The following CCDC175 variants were observed in gnomAD, a reference collection of about 807,000 sequenced individuals.
CCDC175 encodes coiled-coil domain-containing protein 175.
In CCDC175, 100 loss-of-function variants were observed where a neutral mutation model predicts 114.6. The observed-to-expected ratio is 0.87, with a 90% CI of 0.74 to 1.03. The LOEUF (loss-of-function observed/expected upper bound fraction) is 1.03, where lower values mean the gene tolerates loss of function less well. Ranked by LOEUF, CCDC175 falls within the 50% of genes least tolerant of loss-of-function variation. CCDC175 has a pLI of 0.00. For synonymous variants in CCDC175, 306 were observed against 308.7 expected (o/e 0.99, Z 0.09); for missense variants, 880 against 917.8 (o/e 0.96, Z 0.53).
chr14:59,539,721 G>A (rs965792339), intron 11 of CCDC175, among the ~76,000 whole-genome samples: 3 of 152,014 alleles, frequency 2.0e-5, no homozygotes, highest in South Asian at 2.1e-4. Context: ...TGAGAGCAGC[G>A]TGGCCAACAT....
intron 15 of CCDC175, among the ~76,000 whole-genome samples, 169 bp downstream of exon 15, chr14:59,526,926 A>G (rs959399714): frequency 6.6e-6 from 1 of 152,212 alleles, no homozygotes; most frequent in East Asian, 1.9e-4. Flanking sequence ...ATGTGTATAC[A>G]TGTGCATATA....
intron 6 of CCDC175, among the ~76,000 whole-genome samples, chr14:59,562,492 G>A (rs776439210): frequency 1.3e-5 from 2 of 152,198 alleles, no homozygotes; most frequent in Non-Finnish European, 2.9e-5. Context: ...TTATAGATGA[G>A]GAAACTAAAG....
intron 13 of CCDC175, among the ~76,000 whole-genome samples, chr14:59,537,424 C>T (rs957110570): frequency 2.6e-5 from 4 of 152,074 alleles, no homozygotes. Flanking sequence ...GTGGCCAAGA[C>T]CTCTTCTTCA....
chr14:59,551,046 T>A lies in CCDC175; in HGVS notation c.1035+309A>T, dbSNP rs564419758. 13 of 185,070 alleles carry A rather than the reference T, an allele frequency of 7.0e-5. No individual in the cohort carries two copies. In the South Asian group the frequency reaches 2.3e-3, roughly 33 times the overall value. The allele number at this position is 185,070 out of a possible 1,614,324, so 11.5% of individuals were successfully genotyped here. Reference sequence around the variant, plus strand: ...GGCGTAGCACACAACAGCAAGAAGATTCTAACTTTCTAAATAATTCACATC... The same window carrying A: ...GGCGTAGCACACAACAGCAAGAAGAATCTAACTTTCTAAATAATTCACATC... On this transcript the variant is annotated intron_variant, in intron 8 of 19. Coordinates refer to ENST00000537690, the MANE Select transcript of CCDC175 (RefSeq NM_001164399.2).
Position 59,521,576 on chromosome 14 carries a change from T to C in CCDC175, c.2096A>G (p.Glu699Gly). 6.6e-7 allele frequency: 1 copy of C among 1,517,896 alleles called. No homozygotes were observed. The highest frequency in any genetic ancestry group is 8.9e-7 in the Non-Finnish European group (1 of 1,129,330). 94.0% of individuals were successfully genotyped at this position (1,517,896 alleles called of 1,614,324 possible). ...ACAAGCACCCACACATTACTTACCC[T>C]CCTGAGCTATTAGTTGCCGAGACAA... is the stretch of plus-strand genomic sequence containing the variant. ...SDLSRQLIAQ[E>G]AQYKDLWAEF... The change falls in exon 17 of 20, where the codon GAG (glutamate) becomes GGG (glycine). Residue 699 changes from glutamate to glycine, a missense_variant and splice_region_variant. Coordinates refer to ENST00000537690, the MANE Select transcript of CCDC175 (RefSeq NM_001164399.2).
chr14:59,522,346 CAT>C (rs1016789556), intron 16 of CCDC175, among the ~76,000 whole-genome samples: 1 of 152,196 alleles, frequency 6.6e-6, no homozygotes, highest in African/African-American at 2.4e-5. Flanking sequence ...ATGAGGTAGA[CAT>C]GGGACTGTTA....
At chr14:59,516,591 C>G (rs1240349644) in intron 17 of CCDC175, among the ~76,000 whole-genome samples, 1 of 152,204 alleles carries the variant, frequency 6.6e-6, no homozygotes, top group Non-Finnish European at 1.5e-5. Flanking sequence ...AATTCCTCGA[C>G]ACATACACCC....
At chr14:59,542,857 A>G (rs1274986996) in intron 10 of CCDC175, among the ~76,000 whole-genome samples, 1 of 152,092 alleles carries the variant, frequency 6.6e-6, no homozygotes, top group Non-Finnish European at 1.5e-5. Context: ...CAATTTTTGG[A>G]TACATACATA....
intron 13 of CCDC175, among the ~76,000 whole-genome samples, chr14:59,534,792 A>T (rs532828713): frequency 1.3e-5 from 2 of 152,196 alleles, no homozygotes; most frequent in African/African-American, 4.8e-5. Context: ...AGTCAGCCAC[A>T]GCACTGCCCT....
chr14:59,563,558 A>G (rs951616211), intron 6 of CCDC175, among the ~76,000 whole-genome samples, 179 bp downstream of exon 6: 3 of 151,756 alleles, frequency 2.0e-5, no homozygotes, highest in Non-Finnish European at 2.9e-5. Flanking sequence ...CCTTCTTCCC[A>G]TCATATTCCT....
intron 7 of CCDC175, among the ~76,000 whole-genome samples, chr14:59,555,730 C>G (rs1895852281): frequency 6.6e-6 from 1 of 152,134 alleles, no homozygotes; most frequent in African/African-American, 2.4e-5. Flanking sequence ...TGTCTCAGCC[C>G]AAAATCTCCT....
intron 17 of CCDC175, among the ~76,000 whole-genome samples, chr14:59,516,785 T>C (rs1380650556): frequency 3.9e-5 from 6 of 151,958 alleles, no homozygotes; most frequent in Admixed American, 1.3e-4. Flanking sequence ...TTCCAATCAA[T>C]AGAAAAAGAG....
Position 59,525,278 on chromosome 14 carries a change from T to A in CCDC175, c.1995+4A>T. 6.9e-7 allele frequency: 1 copy of A among 1,440,838 alleles called. No homozygotes were observed. Among genetic ancestry groups the A allele is most frequent in the South Asian group, 1.5e-5 (1 of 67,916 alleles). 89.3% of individuals were successfully genotyped at this position (1,440,838 alleles called of 1,614,324 possible). A position where few individuals can be genotyped will look rare whatever the true frequency, so the allele number is the denominator to read the frequency against. On this transcript the variant is annotated splice_donor_region_variant and intron_variant, in intron 16 of 19. Coordinates refer to ENST00000537690, the MANE Select transcript of CCDC175 (RefSeq NM_001164399.2). Reference sequence around the variant, plus strand: ...CATGAAAAGGATGGTGCTCTTAAACTTACTTCTTTTAATTTTTTATTTTCC... The same window carrying A: ...CATGAAAAGGATGGTGCTCTTAAACATACTTCTTTTAATTTTTTATTTTCC...
intron 1 of CCDC175, among the ~76,000 whole-genome samples, chr14:59,575,357 A>G (rs1473860773): frequency 2.6e-5 from 4 of 152,228 alleles, no homozygotes; most frequent in Admixed American, 6.5e-5. Flanking sequence ...GTATTTGTAC[A>G]TAAGTACTAG....
chr14:59,550,582 T>G (rs563541677), intron 8 of CCDC175, among the ~76,000 whole-genome samples: 10 of 152,098 alleles, frequency 6.6e-5, no homozygotes, highest in African/African-American at 9.7e-5. Context: ...GGGGAGTTTA[T>G]TAAGGAGTAT....
At position 59,510,814 on chromosome 14, in the gene CCDC175, G is replaced by T. The variant is rs145932467; in HGVS notation, c.2143-6C>A. The T allele has an allele frequency of 2.6e-6, 4 of 1,533,626 alleles. No homozygotes were observed. Among genetic ancestry groups the T allele is most frequent in the Non-Finnish European group, 3.5e-6 (4 of 1,144,166 alleles). ...TCACCATTGTCCACCAAGATCTAAA[G>T]AAATGGCATTTTAGGCTGTGTCAAT... On this transcript the variant is annotated splice_region_variant and splice_polypyrimidine_tract_variant and intron_variant, in intron 18 of 19. Transcript: ENST00000537690.
At chr14:59,533,108 C>T (rs959426734) in intron 13 of CCDC175, among the ~76,000 whole-genome samples, 4 of 152,170 alleles carry the variant, frequency 2.6e-5, no homozygotes, top group Non-Finnish European at 5.9e-5. Flanking sequence ...ACTTCAGATG[C>T]AAGAGAGACA....
chr14:59,549,138 T>G (rs1895294780), intron 8 of CCDC175, among the ~76,000 whole-genome samples: 1 of 152,198 alleles, frequency 6.6e-6, no homozygotes, highest in South Asian at 2.1e-4. Flanking sequence ...AATGTGAATT[T>G]TATATCCTGG....
At chr14:59,513,713 C>T (rs1892884188) in intron 17 of CCDC175, among the ~76,000 whole-genome samples, 2 of 152,204 alleles carry the variant, frequency 1.3e-5, no homozygotes, top group African/African-American at 4.8e-5. Flanking sequence ...GGAGGCCTGC[C>T]TGCCTCTGTA....
Sources: gnomAD v4.1 joint callset for allele counts (sites outside exome capture counted in the v4.1 genomes callset) on GRCh38, gnomAD v4.1.1 for gene constraint, MANE v1.5 for transcripts, NCBI Gene and HGNC (gene_info 2026-07-23, HGNC 2026-07-21) for gene names.